DYNC2I1: variants seen among roughly 807,000 people sequenced by gnomAD.
DYNC2I1 encodes the protein cytoplasmic dynein 2 intermediate chain 1.
Under a neutral mutation model 133.4 loss-of-function variants are expected in DYNC2I1, and 89 were observed. The ratio of observed to expected loss-of-function variants is 0.67; its 90% CI spans 0.56 to 0.80. The LOEUF (loss-of-function observed/expected upper bound fraction) is 0.80. Among genes scored for constraint, DYNC2I1 ranks in the 30% least tolerant of loss-of-function variants. The probability of loss-of-function intolerance (pLI) is 0.00; values close to 1 mark genes in which losing one functional copy is unlikely to be tolerated. For missense variants in DYNC2I1, 1,291 were observed against 1,314.5 expected (o/e 0.98, Z 0.28); for synonymous variants, 504 against 484.3 (o/e 1.04, Z -0.54).
chr7:158,859,021 A>T (rs947523986), intron 1 of DYNC2I1, among the ~76,000 whole-genome samples: 1 of 118,570 alleles, frequency 8.4e-6, no homozygotes, highest in Non-Finnish European at 1.7e-5. Flanking sequence ...CTTTCTTCAG[A>T]GTCTTGCTCT....
At chr7:158,897,433 C>T (rs73529729) in intron 8 of DYNC2I1, among the ~76,000 whole-genome samples, 2,239 of 152,174 alleles carry the variant, frequency 0.015, 57 homozygotes, top group African/African-American at 0.05. Flanking sequence ...TAGGTATAGG[C>T]CTATTCAAAT....
intron 1 of DYNC2I1, among the ~76,000 whole-genome samples, chr7:158,867,018 G>GTTTTT (rs35720744): frequency 1.7e-5 from 2 of 121,162 alleles, no homozygotes; most frequent in South Asian, 2.6e-4. Context: ...GACTAAATCT[G>GTTTTT]TTTTTTTTTT....
At chr7:158,878,058 C>T (rs1403637839) in intron 4 of DYNC2I1, among the ~76,000 whole-genome samples, 38 of 129,306 alleles carry the variant, frequency 2.9e-4, no homozygotes, top group African/African-American at 5.3e-4. Context: ...CTGTGAGTGC[C>T]AGGTGCCATG....
intron 20 of DYNC2I1, among the ~76,000 whole-genome samples, chr7:158,929,297 G>A (rs1192641689): frequency 6.6e-6 from 1 of 152,274 alleles, no homozygotes; most frequent in East Asian, 1.9e-4. Context: ...GCGAGGTCCA[G>A]TCCTAGGTGC....
the DYNC2I1 span, among the ~76,000 whole-genome samples, chr7:158,847,505 G>C: frequency 2.0e-5 from 3 of 152,154 alleles, no homozygotes; most frequent in African/African-American, 7.2e-5. Flanking sequence ...CCCTTCTTAA[G>C]GAGCTGCAGC....
At chr7:158,856,315 G>A (rs1026147702), upstream of DYNC2I1, among the ~76,000 whole-genome samples, 2 of 152,218 alleles carry the variant, frequency 1.3e-5, no homozygotes, top group Admixed American at 1.3e-4. Flanking sequence ...CCGGTCCCGT[G>A]GGAACCCGGG....
chr7:158,911,855 C>G (rs1234194487), intron 12 of DYNC2I1, among the ~76,000 whole-genome samples, 176 bp downstream of exon 12: 1 of 152,170 alleles, frequency 6.6e-6, no homozygotes. Context: ...CCCGAGAGGC[C>G]GGGCACAGGC....
chr7:158,948,652 C>T (rs575780095), downstream of DYNC2I1, among the ~76,000 whole-genome samples: 6 of 152,232 alleles, frequency 3.9e-5, no homozygotes, highest in South Asian at 2.1e-4. Flanking sequence ...AATGTACAAG[C>T]GCAACTGGAT....
rs77389434 is a variant in DYNC2I1 at position 158,905,140 on chromosome 7, C to CTTTTTT, written c.1358-836_1358-831dup. On this transcript the variant is annotated intron_variant, in intron 10 of 24. Transcript: ENST00000407559. ...GTTGTTTGTTCTTGTCTTTCTTTTTCTTTTTTTTTTTTTTTTTTGAGACAG... is the reference window on the plus strand; with the variant it reads ...GTTGTTTGTTCTTGTCTTTCTTTTTCTTTTTTTTTTTTTTTTTTTTTTTTGAGACAG... The CTTTTTT allele has an allele frequency of 2.0e-3, 680 of 337,836 alleles. 8 individuals are homozygous for CTTTTTT. Among genetic ancestry groups the CTTTTTT allele is most frequent in the South Asian group, 3.0e-3 (133 of 44,206 alleles). 20.9% of individuals were successfully genotyped at this position (337,836 alleles called of 1,614,324 possible). A position where few individuals can be genotyped will look rare whatever the true frequency, so the allele number is the denominator to read the frequency against.
intron 11 of DYNC2I1, among the ~76,000 whole-genome samples, chr7:158,909,529 A>G (rs1285642433): frequency 2.0e-5 from 3 of 152,172 alleles, no homozygotes; most frequent in Admixed American, 6.5e-5. Flanking sequence ...AAAGCATCTT[A>G]CAAAAGAATA....
At chr7:158,909,248 T>C (rs1847137353) in intron 11 of DYNC2I1, among the ~76,000 whole-genome samples, 1 of 149,314 alleles carries the variant, frequency 6.7e-6, no homozygotes, top group African/African-American at 2.5e-5. Flanking sequence ...GGAGAATTGC[T>C]TGAACCTGGG....
At chr7:158,928,875 C>T (rs1338422198) in intron 20 of DYNC2I1, among the ~76,000 whole-genome samples, 3 of 152,094 alleles carry the variant, frequency 2.0e-5, no homozygotes, top group South Asian at 2.1e-4. Flanking sequence ...CTGGTTGTGC[C>T]GTTAACTTGT....
At chr7:158,876,248 T>C (rs1197906415) in intron 3 of DYNC2I1, among the ~76,000 whole-genome samples, 1 of 152,056 alleles carries the variant, frequency 6.6e-6, no homozygotes, top group Non-Finnish European at 1.5e-5. Context: ...AACCAGATCT[T>C]GTGAGAACTC....
Position 158,901,809 on chromosome 7 carries a change from ATTT to A in DYNC2I1, c.1132_1134del (p.Phe378del). ...GCATATACAGCCAGTTGTGAAGATGATTTTGAAGTATGTATAAAAGTTAAAACT... is the reference window on the plus strand; with the variant it reads ...GCATATACAGCCAGTTGTGAAGATGATGAAGTATGTATAAAAGTTAAAACT... On this transcript the variant is annotated inframe_deletion, in exon 9 of 25. Transcript: ENST00000407559. 9 of 1,566,986 alleles carry A rather than the reference ATTT, an allele frequency of 5.7e-6. No homozygotes were observed. Among genetic ancestry groups the A allele is most frequent in the Non-Finnish European group, 7.8e-6 (9 of 1,156,228 alleles).
intron 5 of DYNC2I1, among the ~76,000 whole-genome samples, chr7:158,883,348 G>A (rs1375878664): frequency 6.6e-6 from 1 of 151,148 alleles, no homozygotes; most frequent in East Asian, 1.9e-4. Flanking sequence ...CTCCCGAGTG[G>A]CTGGGATTAC....
At chr7:158,862,977 C>T (rs916248957) in intron 1 of DYNC2I1, among the ~76,000 whole-genome samples, 1 of 152,062 alleles carries the variant, frequency 6.6e-6, no homozygotes, top group African/African-American at 2.4e-5. Flanking sequence ...AGTGAAGCCC[C>T]AGACCTTTGC....
rs375719341 is a variant in DYNC2I1, at chr7:158,871,152, C to T, written c.80C>T (p.Ser27Leu). The change falls in exon 3 of 25, where the codon TCA becomes TTA. Residue 27 changes from serine (S) to leucine (L), a missense_variant. Ser to Leu is a moderately radical substitution (Grantham distance 145). Coordinates refer to ENST00000407559, the MANE Select transcript of DYNC2I1 (RefSeq NM_018051.5). ...GTTCTCTTGTTTCAGGCCATACAGT[C>T]AGGTGGTTCCAAGGAAGAAAGAAAG... Reference protein sequence around the residue: ...DLRKHLWAIQSGGSKEERKHR... With the variant: ...DLRKHLWAIQLGGSKEERKHR... 6.2e-7 allele frequency: 1 copy of T among 1,612,654 alleles called. No homozygotes were observed. Among genetic ancestry groups the T allele is most frequent in the Admixed American group, 1.7e-5 (1 of 59,844 alleles).
intron 24 of DYNC2I1, 88 bp downstream of exon 24, chr7:158,942,236 C>A: frequency 1.0e-6 from 1 of 986,294 alleles, no homozygotes; most frequent in Non-Finnish European, 1.5e-6. Context: ...TTAATTTTTG[C>A]ATGAGGCTGC....
chr7:158,948,236 A>G (rs1851949743), downstream of DYNC2I1, among the ~76,000 whole-genome samples: 2 of 152,182 alleles, frequency 1.3e-5, no homozygotes, highest in South Asian at 2.1e-4. Flanking sequence ...GTTCCTTCCC[A>G]CCGTGGGCTT....
Sources: gnomAD v4.1 joint callset for allele counts (sites outside exome capture counted in the v4.1 genomes callset) on GRCh38, gnomAD v4.1.1 for gene constraint, MANE v1.5 for transcripts, NCBI Gene and HGNC (gene_info 2026-07-23, HGNC 2026-07-21) for gene names.